Variants in PCDH9 observed in about 807,000 individuals in gnomAD.
PCDH9 encodes the protein protocadherin 9, also known as protocadherin-9.
PCDH9 carries 24 observed loss-of-function variants against 70.6 expected under a neutral mutation model. The ratio of observed to expected loss-of-function variants is 0.34; its 90% CI spans 0.25 to 0.48. The LOEUF (loss-of-function observed/expected upper bound fraction) is 0.48. Among genes scored for constraint, PCDH9 ranks in the 20% least tolerant of loss-of-function variants. The pLI, the probability that PCDH9 is intolerant of heterozygous loss-of-function variation, is 0.99. For synonymous variants in PCDH9, 562 were observed against 558.5 expected (o/e 1.01, Z -0.09); for missense variants, 1,281 against 1,503.6 (o/e 0.85, Z 2.45).
chr13:66,993,291 G>A (rs1194861119), intron 2 of PCDH9, among the ~76,000 whole-genome samples: 2 of 152,096 alleles, frequency 1.3e-5, no homozygotes, highest in African/African-American at 2.4e-5. Flanking sequence ...TTATTTTCCT[G>A]AATTTACCTG....
intron 4 of PCDH9, among the ~76,000 whole-genome samples, chr13:66,565,641 T>C (rs745755232): frequency 6.6e-6 from 1 of 152,208 alleles, no homozygotes; most frequent in Non-Finnish European, 1.5e-5. Context: ...TCATACTCAA[T>C]CATAAGATTT....
intron 4 of PCDH9, among the ~76,000 whole-genome samples, chr13:66,338,483 C>T (rs1274297880): frequency 6.6e-6 from 1 of 151,986 alleles, no homozygotes; most frequent in East Asian, 1.9e-4. Context: ...TAAATATTTT[C>T]TGAAGCTTTT....
intron 3 of PCDH9, among the ~76,000 whole-genome samples, chr13:66,874,702 CATT>C (rs2081765220): frequency 6.6e-6 from 1 of 152,030 alleles, no homozygotes; most frequent in Non-Finnish European, 1.5e-5. Flanking sequence ...CACTTAGCAT[CATT>C]ATTTTGGGCC....
intron 2 of PCDH9, among the ~76,000 whole-genome samples, chr13:67,170,564 T>C (rs559496476): frequency 5.3e-5 from 8 of 152,316 alleles, no homozygotes; most frequent in African/African-American, 1.9e-4. Context: ...TTTTGCCATA[T>C]ATCATTAGAA....
intron 3 of PCDH9, among the ~76,000 whole-genome samples, chr13:66,843,590 T>C (rs2081153305): frequency 2.0e-5 from 3 of 152,208 alleles, no homozygotes; most frequent in Non-Finnish European, 4.4e-5. Flanking sequence ...GCAAGGCCCA[T>C]TAGAAACAGC....
intron 2 of PCDH9, among the ~76,000 whole-genome samples, chr13:66,986,049 T>G (rs1269377513): frequency 6.6e-6 from 1 of 151,984 alleles, no homozygotes; most frequent in East Asian, 1.9e-4. Flanking sequence ...TAATTAATTT[T>G]AAAAAAGGTT....
At chr13:67,213,002 G>C (rs2089500560) in intron 2 of PCDH9, 1 of 151,816 alleles carries the variant, frequency 6.6e-6, no homozygotes, top group Admixed American at 6.6e-5. Flanking sequence ...ACGAGGTCAG[G>C]AGATCGAGAC....
At chr13:67,074,715 T>A (rs1015211133) in intron 2 of PCDH9, among the ~76,000 whole-genome samples, 7 of 152,148 alleles carry the variant, frequency 4.6e-5, no homozygotes, top group African/African-American at 1.7e-4. Context: ...AGAAAAAACT[T>A]TGGAGGACAT....
At chr13:66,918,675 A>AC (rs1372884063) in intron 2 of PCDH9, among the ~76,000 whole-genome samples, 2 of 151,190 alleles carry the variant, frequency 1.3e-5, no homozygotes, top group African/African-American at 4.8e-5. Flanking sequence ...AAATAGACCC[A>AC]CTATTTTATA....
chr13:66,324,398 G>GA (rs755067085), intron 4 of PCDH9, among the ~76,000 whole-genome samples: 1 of 151,936 alleles, frequency 6.6e-6, no homozygotes, highest in Non-Finnish European at 1.5e-5. Context: ...TTTCCATTAG[G>GA]AAAAATGGGT....
chr13:66,456,252 G>C (rs1309085201), intron 4 of PCDH9, among the ~76,000 whole-genome samples: 2 of 152,030 alleles, frequency 1.3e-5, no homozygotes. Flanking sequence ...AACTTGAATT[G>C]TCTATTGTTT....
intron 4 of PCDH9, among the ~76,000 whole-genome samples, chr13:66,400,775 T>A (rs1957171096): frequency 1.3e-5 from 2 of 152,076 alleles, no homozygotes; most frequent in African/African-American, 2.4e-5. Context: ...ACAGCAAATA[T>A]AATAAAAAGT....
At chr13:67,012,772 A>C (rs1022334505) in intron 2 of PCDH9, among the ~76,000 whole-genome samples, 2 of 151,952 alleles carry the variant, frequency 1.3e-5, no homozygotes, top group East Asian at 3.9e-4. Context: ...ATAGACAAAT[A>C]TTTCCTTTTT....
intron 3 of PCDH9, among the ~76,000 whole-genome samples, chr13:66,670,457 A>G (rs939207346): frequency 1.3e-5 from 2 of 152,216 alleles, no homozygotes; most frequent in Non-Finnish European, 1.5e-5. Context: ...TATGGACATC[A>G]TCATCTTAAT....
chr13:66,902,316 C>T (rs576055382), intron 3 of PCDH9, among the ~76,000 whole-genome samples: 2 of 151,542 alleles, frequency 1.3e-5, no homozygotes, highest in Admixed American at 6.6e-5. Flanking sequence ...TAGAGCTGTT[C>T]GAAATATTGC....
Position 67,159,190 on chromosome 13 carries a change from A to G in PCDH9, c.3036+66215T>C, listed in dbSNP as rs55693931. ...ATTTGAGTGGGAGGAACTCTAGGCA[A>G]GAGGGTTGCCCTATAAGGTGACAGC... On this transcript the variant is annotated intron_variant, in intron 2 of 4. Coordinates refer to ENST00000377865, the MANE Select transcript of PCDH9 (RefSeq NM_203487.3). Among the ~76,000 whole-genome samples, 1,076 of 152,282 alleles carry G rather than the reference A, an allele frequency of 7.1e-3. 12 individuals carry two copies. The highest frequency in any genetic ancestry group is 0.025 in the African/African-American group (1,022 of 41,550).
chr13:67,111,437 A>T (rs922728466), intron 2 of PCDH9, among the ~76,000 whole-genome samples: 2 of 152,182 alleles, frequency 1.3e-5, no homozygotes, highest in Non-Finnish European at 2.9e-5. Context: ...CAAAGGGGCC[A>T]CTCTTAGGCT....
chr13:67,000,499 A>T (rs1398511432), intron 2 of PCDH9, among the ~76,000 whole-genome samples: 2 of 21,250 alleles, frequency 9.4e-5, no homozygotes, highest in Non-Finnish European at 3.4e-4. Context: ...AAATAAAATA[A>T]AAAAAAGACT....
chr13:67,097,776 T>C (rs1298879032), intron 2 of PCDH9, among the ~76,000 whole-genome samples: 1 of 152,110 alleles, frequency 6.6e-6, no homozygotes, highest in Non-Finnish European at 1.5e-5. Flanking sequence ...TACCTCGAAC[T>C]GATGAAAACA....
Sources: gnomAD v4.1 joint callset for allele counts (sites outside exome capture counted in the v4.1 genomes callset) on GRCh38, gnomAD v4.1.1 for gene constraint, MANE v1.5 for transcripts, NCBI Gene and HGNC (gene_info 2026-07-23, HGNC 2026-07-21) for gene names.